Variants in ADAM22 observed in about 807,000 individuals in gnomAD.
The protein encoded by ADAM22 is disintegrin and metalloproteinase domain-containing protein 22.
Under a neutral mutation model 144.6 loss-of-function variants are expected in ADAM22, and 65 were observed. That is an observed-to-expected ratio of 0.45 (90% CI 0.37 to 0.55). ADAM22 has a LOEUF of 0.55. Among genes scored for constraint, ADAM22 ranks in the 20% least tolerant of loss-of-function variants. The pLI is 0.00. For synonymous variants in ADAM22, 391 were observed against 412.6 expected (o/e 0.95, Z 0.63); for missense variants, 974 against 1,184.9 (o/e 0.82, Z 2.61).
intron 4 of ADAM22, among the ~76,000 whole-genome samples, chr7:88,090,373 T>A (rs1449008756): frequency 6.6e-6 from 1 of 152,164 alleles, no homozygotes; most frequent in Non-Finnish European, 1.5e-5. Flanking sequence ...ATGAACATGG[T>A]GTCTTTCTAT....
At chr7:88,166,295 AAAG>A (rs1166185463) in intron 24 of ADAM22, among the ~76,000 whole-genome samples, 9 of 152,222 alleles carry the variant, frequency 5.9e-5, no homozygotes, top group African/African-American at 2.2e-4. Flanking sequence ...TGAACTGAAT[AAAG>A]AAGAAACAAT....
chr7:88,072,661 C>G (rs1813132980), intron 3 of ADAM22, among the ~76,000 whole-genome samples: 1 of 152,212 alleles, frequency 6.6e-6, no homozygotes, highest in African/African-American at 2.4e-5. Context: ...TTACTTTTGA[C>G]TTTCTGTTTC....
chr7:88,123,897 G>C (rs751610358), intron 7 of ADAM22, among the ~76,000 whole-genome samples: 1 of 151,638 alleles, frequency 6.6e-6, no homozygotes, highest in Non-Finnish European at 1.5e-5. Flanking sequence ...GCTCAGTATC[G>C]AAATACTTGG....
Position 88,165,932 on chromosome 7 carries a change from CTCTG to C in ADAM22, c.2182_2185del (p.Ser728AlafsTer10). 1 of 1,609,066 alleles carries C rather than the reference CTCTG, an allele frequency of 6.2e-7. No individual in the cohort carries two copies. The highest frequency in any genetic ancestry group is 8.5e-7 in the Non-Finnish European group (1 of 1,177,344). On this transcript the variant is annotated frameshift_variant, in exon 24 of 32. Coordinates refer to ENST00000413139, the MANE Select transcript of ADAM22 (RefSeq NM_001324418.2). LOFTEE classifies it high-confidence loss of function. ...AATGATGATGCAAAGACTGGTATCA[CTCTG>C]TCTGGCAATGGTAAGTACTTAATTT...
At chr7:87,953,208 T>C (rs1301392580) in intron 2 of ADAM22, among the ~76,000 whole-genome samples, 1 of 152,168 alleles carries the variant, frequency 6.6e-6, no homozygotes, top group East Asian at 1.9e-4. Context: ...TGTTCTTGCT[T>C]TTCTAGTTCT....
intron 26 of ADAM22, among the ~76,000 whole-genome samples, chr7:88,176,853 C>T (rs1311748705): frequency 6.6e-6 from 1 of 152,138 alleles, no homozygotes; most frequent in Admixed American, 6.6e-5. Context: ...CAACCTCTGC[C>T]TCCCAAGTTC....
At chr7:88,130,098 T>C (rs756589873) in intron 9 of ADAM22, among the ~76,000 whole-genome samples, 5 of 150,408 alleles carry the variant, frequency 3.3e-5, no homozygotes, top group Admixed American at 2.0e-4. Flanking sequence ...ACAATCCCAA[T>C]AAAAATAAAC....
chr7:88,029,996 A>G (rs1799876014), intron 3 of ADAM22, among the ~76,000 whole-genome samples: 1 of 151,862 alleles, frequency 6.6e-6, no homozygotes, highest in Non-Finnish European at 1.5e-5. Flanking sequence ...CTTGTAGTTA[A>G]GTATTGATAT....
At chr7:88,016,844 A>G (rs550489203) in intron 3 of ADAM22, among the ~76,000 whole-genome samples, 7 of 152,342 alleles carry the variant, frequency 4.6e-5, no homozygotes, top group Admixed American at 6.5e-5. Flanking sequence ...CTAGGCCAGC[A>G]TAGTGGTTCA....
intron 2 of ADAM22, among the ~76,000 whole-genome samples, chr7:87,975,902 C>A (rs780124998): frequency 3.3e-5 from 5 of 152,066 alleles, no homozygotes; most frequent in Non-Finnish European, 5.9e-5. Flanking sequence ...AGAGGCTCTT[C>A]CCAAAACACA....
chr7:88,067,668 A>G (rs1811631213), intron 3 of ADAM22, among the ~76,000 whole-genome samples: 1 of 152,098 alleles, frequency 6.6e-6, no homozygotes, highest in Non-Finnish European at 1.5e-5. Context: ...ACTTTGCTTT[A>G]TTAGGAACAG....
intron 4 of ADAM22, among the ~76,000 whole-genome samples, chr7:88,078,623 T>G (rs1005299790): frequency 3.3e-5 from 5 of 152,210 alleles, no homozygotes; most frequent in African/African-American, 4.8e-5. Context: ...AATGGATAAC[T>G]AGAATAACCA....
At chr7:88,054,100 T>G (rs1251735785) in intron 3 of ADAM22, among the ~76,000 whole-genome samples, 2 of 152,102 alleles carry the variant, frequency 1.3e-5, no homozygotes, top group African/African-American at 2.4e-5. Context: ...CTACTGCACT[T>G]CAGCCTGAGC....
intron 3 of ADAM22, among the ~76,000 whole-genome samples, chr7:87,986,316 G>T (rs1267221796): frequency 1.3e-5 from 2 of 152,140 alleles, no homozygotes; most frequent in Non-Finnish European, 2.9e-5. Flanking sequence ...AAAGTCTCTT[G>T]TGCTCAGCCC....
chr7:88,178,016 C>A (rs527838213), intron 26 of ADAM22, among the ~76,000 whole-genome samples: 7 of 152,230 alleles, frequency 4.6e-5, no homozygotes, highest in Middle Eastern at 3.4e-3. Context: ...ACACTACTGA[C>A]AAATGACCAG....
intron 3 of ADAM22, among the ~76,000 whole-genome samples, chr7:88,000,036 G>A (rs1014878850): frequency 5.9e-5 from 9 of 151,356 alleles, no homozygotes; most frequent in African/African-American, 9.7e-5. Context: ...CTCTCAAAAT[G>A]ACAGAGTTTA....
At position 88,029,483 on chromosome 7, in the gene ADAM22, CTGTG is replaced by C. The variant is rs546775522; in HGVS notation, c.324-46141_324-46138del. 5.6e-4 allele frequency among the ~76,000 whole-genome samples: 85 copies of C among 152,104 alleles called. 1 individual carries two copies. The East Asian group carries it at 0.015, about 28-fold the overall frequency. On this transcript the variant is annotated intron_variant, in intron 3 of 31. Coordinates refer to ENST00000413139, the MANE Select transcript of ADAM22 (RefSeq NM_001324418.2). ...TTAATCAGTTCATCTTTTTGTCTTT[CTGTG>C]TAAGATATGAGTAGTTTATACACCA...
At chr7:88,057,088 G>A (rs1412047094) in intron 3 of ADAM22, among the ~76,000 whole-genome samples, 3 of 151,924 alleles carry the variant, frequency 2.0e-5, no homozygotes, top group Admixed American at 6.6e-5. Context: ...GGTAGGGCAG[G>A]TAGGATTTGC....
chr7:88,196,041 G>A (rs1850610723), intron 31 of ADAM22, among the ~76,000 whole-genome samples: 1 of 152,154 alleles, frequency 6.6e-6, no homozygotes, highest in African/African-American at 2.4e-5. Flanking sequence ...CTGGGAAGTG[G>A]AATTGTAGAA....
Sources: gnomAD v4.1 joint callset for allele counts (sites outside exome capture counted in the v4.1 genomes callset) on GRCh38, gnomAD v4.1.1 for gene constraint, MANE v1.5 for transcripts, NCBI Gene and HGNC (gene_info 2026-07-23, HGNC 2026-07-21) for gene names.